The following NRXN3 variants were observed in gnomAD, a reference collection of about 807,000 sequenced individuals.
The protein encoded by NRXN3 is neurexin III.
NRXN3 carries 32 observed loss-of-function variants against 137.6 expected under a neutral mutation model. That is an observed-to-expected ratio of 0.23 (90% CI 0.18 to 0.31). NRXN3 has a LOEUF of 0.31. NRXN3 is among the 10% of genes least tolerant of loss of function. The pLI is 1.00. For synonymous variants in NRXN3, 798 were observed against 784.5 expected (o/e 1.02, Z -0.29); for missense variants, 1,574 against 2,062.5 (o/e 0.76, Z 4.59).
chr14:79,462,563 C>A (rs1438956419), intron 15 of NRXN3, among the ~76,000 whole-genome samples: 1 of 149,508 alleles, frequency 6.7e-6, no homozygotes, highest in Non-Finnish European at 1.5e-5. Context: ...AAATTATATT[C>A]CTCATTCTCT....
chr14:78,534,491 T>C (rs1296253262), intron 4 of NRXN3, among the ~76,000 whole-genome samples: 1 of 152,208 alleles, frequency 6.6e-6, no homozygotes, highest in Non-Finnish European at 1.5e-5. Flanking sequence ...GCCCAATCTA[T>C]AACGAATATT....
At chr14:78,391,369 C>T (rs1053680678) in intron 4 of NRXN3, among the ~76,000 whole-genome samples, 2 of 152,014 alleles carry the variant, frequency 1.3e-5, no homozygotes, top group African/African-American at 4.8e-5. Flanking sequence ...CCTTCATGAC[C>T]TTTTTTGTGG....
intron 4 of NRXN3, among the ~76,000 whole-genome samples, chr14:78,626,542 A>G (rs10483909): frequency 0.11 from 17,173 of 152,270 alleles, 1,574 homozygotes; most frequent in African/African-American, 0.24. Flanking sequence ...GCAAAATATC[A>G]AGAATGTTCT....
At chr14:78,515,753 T>C (rs1238814934) in intron 4 of NRXN3, among the ~76,000 whole-genome samples, 2 of 151,544 alleles carry the variant, frequency 1.3e-5, no homozygotes, top group African/African-American at 4.9e-5. Flanking sequence ...GGCTCTTGAG[T>C]GTAAAGATAA....
intron 4 of NRXN3, among the ~76,000 whole-genome samples, chr14:78,457,777 G>A (rs1302680547): frequency 6.6e-6 from 1 of 152,146 alleles, no homozygotes; most frequent in Admixed American, 6.5e-5. Flanking sequence ...ACTGCTGTCA[G>A]GGTACATAAT....
intron 10 of NRXN3, among the ~76,000 whole-genome samples, chr14:78,862,453 G>A (rs937022449): frequency 6.6e-6 from 1 of 152,068 alleles, no homozygotes; most frequent in African/African-American, 2.4e-5. Flanking sequence ...TTCAGTACCA[G>A]CAGGATATCC....
At chr14:79,023,142 C>A (rs1386339862) in intron 15 of NRXN3, among the ~76,000 whole-genome samples, 1 of 147,036 alleles carries the variant, frequency 6.8e-6, no homozygotes, top group African/African-American at 2.5e-5. Flanking sequence ...TTTTTGCTTC[C>A]AGGGTGACAT....
At chr14:78,672,564 C>T (rs1421704222) in intron 6 of NRXN3, among the ~76,000 whole-genome samples, 2 of 152,096 alleles carry the variant, frequency 1.3e-5, no homozygotes, top group South Asian at 2.1e-4. Flanking sequence ...GTTGGGAGTA[C>T]GCCACCTATA....
intron 15 of NRXN3, chr14:79,279,485 A>G (rs928750762): frequency 2.0e-6 from 2 of 985,748 alleles, no homozygotes; most frequent in African/African-American, 3.5e-5. Flanking sequence ...GCTCTCGCTG[A>G]TTTCGCCCAC....
At chr14:78,717,836 G>C (rs1300019249) in intron 8 of NRXN3, among the ~76,000 whole-genome samples, 1 of 152,178 alleles carries the variant, frequency 6.6e-6, no homozygotes, top group Non-Finnish European at 1.5e-5. Flanking sequence ...AGGAAAATGT[G>C]AGAAATGTTT....
chr14:78,194,924 G>T (rs2061088206), intron 1 of NRXN3, among the ~76,000 whole-genome samples: 1 of 152,182 alleles, frequency 6.6e-6, no homozygotes, highest in South Asian at 2.1e-4. Flanking sequence ...GTGTGCAGAT[G>T]CAGAAGTGGC....
intron 15 of NRXN3, among the ~76,000 whole-genome samples, chr14:79,360,145 G>A (rs992324872): frequency 1.3e-5 from 2 of 152,182 alleles, no homozygotes; most frequent in African/African-American, 4.8e-5. Context: ...ATACATTAAT[G>A]TATTACGGGA....
At chr14:79,128,686 C>T (rs1310467076) in intron 15 of NRXN3, among the ~76,000 whole-genome samples, 1 of 152,136 alleles carries the variant, frequency 6.6e-6, no homozygotes, top group African/African-American at 2.4e-5. Flanking sequence ...ATGATGCTGG[C>T]CTCATAAAAT....
intron 1 of NRXN3, among the ~76,000 whole-genome samples, chr14:78,184,735 A>G (rs551717857): frequency 3.5e-4 from 54 of 152,296 alleles, no homozygotes; most frequent in Admixed American, 3.4e-3. Flanking sequence ...GAGGACCAGG[A>G]GTGGCTAGAT....
At chr14:79,014,285 T>A (rs1242691383) in intron 15 of NRXN3, among the ~76,000 whole-genome samples, 4 of 152,164 alleles carry the variant, frequency 2.6e-5, no homozygotes, top group Admixed American at 6.5e-5. Context: ...AAGCCATAGT[T>A]CCTGTCATTC....
At chr14:78,554,942 C>T (rs1485055305) in intron 4 of NRXN3, among the ~76,000 whole-genome samples, 1 of 152,108 alleles carries the variant, frequency 6.6e-6, no homozygotes, top group Non-Finnish European at 1.5e-5. Context: ...ATCCCTTATG[C>T]AGTTCATTAT....
intron 4 of NRXN3, among the ~76,000 whole-genome samples, chr14:78,516,724 G>A (rs1419676070): frequency 6.6e-6 from 1 of 152,124 alleles, no homozygotes; most frequent in Non-Finnish European, 1.5e-5. Flanking sequence ...GCCTAGTTGA[G>A]TTCTCTGATG....
chr14:78,667,806 G>A (rs1418658491), intron 6 of NRXN3, among the ~76,000 whole-genome samples: 2 of 151,710 alleles, frequency 1.3e-5, no homozygotes, highest in African/African-American at 4.8e-5. Context: ...TTTCTGAGAT[G>A]AAGTTTTGCT....
intron 15 of NRXN3, among the ~76,000 whole-genome samples, chr14:79,424,328 A>G (rs999714668): frequency 1.3e-4 from 20 of 152,204 alleles, no homozygotes; most frequent in African/African-American, 4.6e-4. Context: ...CTATGTAGGT[A>G]GATAACGGCA....
Sources: gnomAD v4.1 joint callset for allele counts (sites outside exome capture counted in the v4.1 genomes callset) on GRCh38, gnomAD v4.1.1 for gene constraint, MANE v1.5 for transcripts, NCBI Gene and HGNC (gene_info 2026-07-23, HGNC 2026-07-21) for gene names.